GAREM1: variants seen among roughly 807,000 people sequenced by gnomAD.
The protein encoded by GAREM1 is GRB2 associated regulator of MAPK1 subtype 1, also known as GRB2-associated and regulator of MAPK protein 1.
GAREM1 carries 26 observed loss-of-function variants against 71.3 expected under a neutral mutation model. That is an observed-to-expected ratio of 0.36 (90% CI 0.27 to 0.51). The LOEUF (loss-of-function observed/expected upper bound fraction) is 0.51. Among genes scored for constraint, GAREM1 ranks in the 20% least tolerant of loss-of-function variants. GAREM1 has a pLI of 0.95. For missense variants in GAREM1, 1,026 were observed against 1,103.1 expected (o/e 0.93, Z 0.99); for synonymous variants, 440 against 433.2 (o/e 1.02, Z -0.20).
intron 1 of GAREM1, among the ~76,000 whole-genome samples, chr18:32,437,790 C>T (rs1005159182): frequency 6.6e-6 from 1 of 152,158 alleles, no homozygotes; most frequent in South Asian, 2.1e-4. Context: ...CCCACATAGA[C>T]AATAGCAAAT....
Position 32,366,318 on chromosome 18 carries a change from A to AG in GAREM1, c.262+26576dup, listed in dbSNP as rs576948321. On this transcript the variant is annotated intron_variant, in intron 2 of 5. Transcript: ENST00000269209. ...TAAACACTTAACAGTAAACCTCATA[A>AG]GCCTGCCTCCTTTCAGGCAGGCTTA... 1.1e-4 allele frequency among the ~76,000 whole-genome samples: 16 copies of AG among 152,290 alleles called. No homozygotes were observed. In the South Asian group the frequency reaches 2.7e-3, roughly 26 times the overall value.
intron 1 of GAREM1, among the ~76,000 whole-genome samples, chr18:32,408,234 A>G (rs530508795): frequency 3.9e-5 from 6 of 152,162 alleles, no homozygotes; most frequent in Non-Finnish European, 8.8e-5. Context: ...GAAAGCCAAG[A>G]TTACCCTAAA....
chr18:32,427,978 G>T (rs1290057059), intron 1 of GAREM1, among the ~76,000 whole-genome samples: 1 of 151,948 alleles, frequency 6.6e-6, no homozygotes, highest in Non-Finnish European at 1.5e-5. Context: ...TATATGGAGG[G>T]AAAGTATATT....
At chr18:32,464,215 C>T (rs9967126) in intron 1 of GAREM1, among the ~76,000 whole-genome samples, 53,918 of 151,680 alleles carry the variant, frequency 0.36, 9,933 homozygotes, top group African/African-American at 0.43. Context: ...TGCTTGAACC[C>T]AGGAGACAGG....
At chr18:32,342,605 T>C (rs76752697) in intron 2 of GAREM1, among the ~76,000 whole-genome samples, 157 of 152,336 alleles carry the variant, frequency 1.0e-3, no homozygotes, top group African/African-American at 3.7e-3. Context: ...CTCCACATCC[T>C]TACTCTGCTG....
intron 2 of GAREM1, among the ~76,000 whole-genome samples, chr18:32,376,307 G>A (rs2048030163): frequency 6.6e-6 from 1 of 152,168 alleles, no homozygotes; most frequent in Non-Finnish European, 1.5e-5. Context: ...AATGTGTCTT[G>A]GATGCTGCTC....
intron 4 of GAREM1, among the ~76,000 whole-genome samples, 154 bp from the exon 5 acceptor site, chr18:32,270,537 G>T (rs2041445451): frequency 6.6e-6 from 1 of 152,192 alleles, no homozygotes; most frequent in Non-Finnish European, 1.5e-5. Flanking sequence ...AAGAATGATA[G>T]GAAGCACAGA....
chr18:32,433,141 C>A (rs2048640028), intron 1 of GAREM1, among the ~76,000 whole-genome samples: 2 of 149,866 alleles, frequency 1.3e-5, no homozygotes. Flanking sequence ...TTTAATTAAC[C>A]ACATTAACAG....
At chr18:32,288,687 C>T (rs1458583447) in intron 3 of GAREM1, among the ~76,000 whole-genome samples, 1 of 151,346 alleles carries the variant, frequency 6.6e-6, no homozygotes, top group Non-Finnish European at 1.5e-5. Context: ...ATTAAAAATA[C>T]AAATATAAAA....
At chr18:32,325,407 T>TTG (rs1182389417) in intron 2 of GAREM1, among the ~76,000 whole-genome samples, 4 of 152,186 alleles carry the variant, frequency 2.6e-5, no homozygotes, top group African/African-American at 7.2e-5. Flanking sequence ...GGTTCATCGA[T>TTG]TGTCACAAAT....
chr18:32,426,890 T>C (rs1008139423), intron 1 of GAREM1, among the ~76,000 whole-genome samples: 1 of 152,228 alleles, frequency 6.6e-6, no homozygotes, highest in Admixed American at 6.5e-5. Context: ...GATTTCCTTT[T>C]CCTCTTACAT....
rs572279039 is a variant in GAREM1, at chr18:32,454,843, T to G, written c.121+15465A>C. On this transcript the variant is annotated intron_variant, in intron 1 of 5. Transcript: ENST00000269209. ...TAAATACTTTAGGGATAGGCTGAAG[T>G]ATCCCAACAACTCTGTAGATGAGTC... 9.2e-5 allele frequency among the ~76,000 whole-genome samples: 14 copies of G among 152,298 alleles called. No homozygotes were observed. In the Middle Eastern group the frequency reaches 0.017, roughly 185 times the overall value.
chr18:32,304,444 C>A (rs1195896760), intron 3 of GAREM1, among the ~76,000 whole-genome samples: 1 of 152,096 alleles, frequency 6.6e-6, no homozygotes, highest in Admixed American at 6.5e-5. Flanking sequence ...CAAGGATTTG[C>A]AAACCTTATC....
chr18:32,311,371 T>C (rs967757516), intron 2 of GAREM1, among the ~76,000 whole-genome samples: 1 of 152,214 alleles, frequency 6.6e-6, no homozygotes, highest in Non-Finnish European at 1.5e-5. Context: ...TAGCATCTAC[T>C]AGGTGGAGAC....
At chr18:32,411,853 A>AC (rs2144684991) in intron 1 of GAREM1, among the ~76,000 whole-genome samples, 1 of 152,174 alleles carries the variant, frequency 6.6e-6, no homozygotes, top group South Asian at 2.1e-4. Context: ...GCTTCAGAGT[A>AC]GACTAACTTT....
chr18:32,411,083 ATGAG>A (rs1219211401), intron 1 of GAREM1, among the ~76,000 whole-genome samples: 1 of 152,182 alleles, frequency 6.6e-6, no homozygotes, highest in African/African-American at 2.4e-5. Flanking sequence ...GATTACAGGC[ATGAG>A]CCACCGTGCC....
At chr18:32,417,227 G>A (rs748532274) in intron 1 of GAREM1, among the ~76,000 whole-genome samples, 11 of 152,110 alleles carry the variant, frequency 7.2e-5, no homozygotes, top group African/African-American at 2.2e-4. Flanking sequence ...AACAAATGCC[G>A]GCAAGGGCAT....
chr18:32,425,980 T>C (rs1200538457), intron 1 of GAREM1, among the ~76,000 whole-genome samples: 1 of 152,086 alleles, frequency 6.6e-6, no homozygotes, highest in Non-Finnish European at 1.5e-5. Flanking sequence ...TTTCTACTAC[T>C]CTTCTCTGAA....
At chr18:32,389,937 C>A (rs1282139202) in intron 2 of GAREM1, among the ~76,000 whole-genome samples, 1 of 152,096 alleles carries the variant, frequency 6.6e-6, no homozygotes, top group African/African-American at 2.4e-5. Flanking sequence ...TTTTGAAAGG[C>A]CAAGGCAGGT....
Sources: gnomAD v4.1 joint callset for allele counts (sites outside exome capture counted in the v4.1 genomes callset) on GRCh38, gnomAD v4.1.1 for gene constraint, MANE v1.5 for transcripts, NCBI Gene and HGNC (gene_info 2026-07-23, HGNC 2026-07-21) for gene names.